Variants in TRPC5 observed in about 807,000 individuals in gnomAD.
TRPC5 encodes the protein short transient receptor potential channel 5.
A neutral mutation model predicts 56.5 loss-of-function variants in TRPC5; 9 were observed. That is an observed-to-expected ratio of 0.16 (90% confidence interval 0.10 to 0.28). The LOEUF (loss-of-function observed/expected upper bound fraction) is 0.28, where lower values mean the gene tolerates loss of function less well. Among genes scored for constraint, TRPC5 ranks in the 10% least tolerant of loss-of-function variants. TRPC5 has a pLI of 1.00. For missense variants in TRPC5, 469 were observed against 748.9 expected, an observed-to-expected ratio of 0.63 and a Z score of 4.36; for synonymous variants, 282 against 278.5, an observed-to-expected ratio of 1.01 and a Z score of -0.13.
chrX:111,918,601 C>T (rs747951781), intron 2 of TRPC5, among the ~76,000 whole-genome samples: 5 of 110,138 alleles, frequency 4.5e-5, no homozygotes, highest in South Asian at 3.9e-4. Context: ...TTTTGCCAGA[C>T]GTGAGAAGAA....
chrX:111,984,087 C>T (rs900141513), intron 1 of TRPC5, among the ~76,000 whole-genome samples: 4 of 111,359 alleles, frequency 3.6e-5, no homozygotes, highest in Non-Finnish European at 5.6e-5. Flanking sequence ...AACTTTCTGT[C>T]CCATGTTCAA....
At chrX:112,040,299 G>A (rs1258940535) in intron 1 of TRPC5, among the ~76,000 whole-genome samples, 1 of 112,220 alleles carries the variant, frequency 8.9e-6, no homozygotes, top group Admixed American at 9.4e-5. Flanking sequence ...TAGTGCAACC[G>A]CTATGCTAAG....
At chrX:111,950,112 C>T (rs958725467) in intron 2 of TRPC5, among the ~76,000 whole-genome samples, 1 of 111,223 alleles carries the variant, frequency 9.0e-6, no homozygotes. Context: ...ATCACGAGGT[C>T]AGGAGATCAA....
chrX:111,829,630 C>T (rs1922350785), intron 7 of TRPC5, among the ~76,000 whole-genome samples: 1 of 112,539 alleles, frequency 8.9e-6, no homozygotes, highest in Non-Finnish European at 1.9e-5. Context: ...TAAAAGGTGC[C>T]CAGGTACAGC....
intron 1 of TRPC5, among the ~76,000 whole-genome samples, chrX:112,008,956 T>C (rs1208119542): frequency 9.0e-6 from 1 of 111,712 alleles, no homozygotes; most frequent in Non-Finnish European, 1.9e-5. Flanking sequence ...ACTGCCACAG[T>C]CAATAACCCT....
At chrX:111,825,994 G>T (rs1922223989) in intron 7 of TRPC5, among the ~76,000 whole-genome samples, 1 of 112,234 alleles carries the variant, frequency 8.9e-6, no homozygotes, top group Admixed American at 9.4e-5. Flanking sequence ...CTTGATACAA[G>T]AAACAGGCAG....
intron 7 of TRPC5, among the ~76,000 whole-genome samples, chrX:111,791,598 G>T (rs1451493350): frequency 8.9e-6 from 1 of 111,988 alleles, no homozygotes; most frequent in Non-Finnish European, 1.9e-5. Flanking sequence ...ACCATCCAAG[G>T]GCTTATGCTA....
In TRPC5 at chrX:111,785,129, C is replaced by A. The variant is rs149263641; in HGVS notation, c.1897-2991G>T. Among the ~76,000 whole-genome samples the A allele has an allele frequency of 9.1e-3, 1,022 of 112,357 alleles. 10 individuals are homozygous for A. Among genetic ancestry groups the A allele is most frequent in the Non-Finnish European group, 0.015 (803 of 53,214 alleles). Reference sequence around the variant, plus strand: ...CTGCCTCCTCAAGTGGGACCCTGACCCTCGTGTAGCCTGAGAGACACCTCA... The same window carrying A: ...CTGCCTCCTCAAGTGGGACCCTGACACTCGTGTAGCCTGAGAGACACCTCA... On this transcript the variant is annotated intron_variant, in intron 7 of 10. Coordinates refer to ENST00000262839, the MANE Select transcript of TRPC5 (RefSeq NM_012471.3).
intron 7 of TRPC5, among the ~76,000 whole-genome samples, chrX:111,800,769 A>G (rs1384632040): frequency 9.0e-6 from 1 of 110,769 alleles, no homozygotes; most frequent in Non-Finnish European, 1.9e-5. Flanking sequence ...AAAAAAATAC[A>G]GTATATAATA....
intron 7 of TRPC5, among the ~76,000 whole-genome samples, chrX:111,820,220 C>T (rs990665146): frequency 2.7e-5 from 3 of 111,850 alleles, no homozygotes; most frequent in South Asian, 7.6e-4. Context: ...AACCTTTTCC[C>T]TATCAATCAG....
chrX:111,904,967 A>G (rs1271479144), intron 3 of TRPC5, among the ~76,000 whole-genome samples: 1 of 101,212 alleles, frequency 9.9e-6, no homozygotes, highest in African/African-American at 3.6e-5. Context: ...TTTGGAGCTG[A>G]TTTTTTTTTT....
chrX:112,019,076 A>G, intron 1 of TRPC5, among the ~76,000 whole-genome samples: 1 of 112,590 alleles, frequency 8.9e-6, no homozygotes, highest in South Asian at 3.7e-4. Flanking sequence ...TAATCATACC[A>G]TCTTAAGGTC....
intron 2 of TRPC5, among the ~76,000 whole-genome samples, chrX:111,921,759 G>A (rs1926134006): frequency 8.9e-6 from 1 of 111,838 alleles, no homozygotes. Flanking sequence ...TTGCAATGAT[G>A]TGGGCTAAGG....
chrX:111,860,681 T>A (rs375023212), intron 3 of TRPC5, among the ~76,000 whole-genome samples: 66 of 112,634 alleles, frequency 5.9e-4, no homozygotes, highest in African/African-American at 1.5e-3. Flanking sequence ...ATAACAACTT[T>A]AATTGTGATT....
At position 112,081,995 on chromosome X, in the gene TRPC5, T is replaced by A. The variant is rs1349471960; in HGVS notation, c.-138A>T. The A allele has an allele frequency of 9.0e-6, 1 of 111,457 alleles. No homozygotes were observed. The highest frequency in any genetic ancestry group is 2.8e-4 in the East Asian group (1 of 3,520). The allele number at this position is 111,457 out of a possible 1,213,427, so 9.2% of individuals were successfully genotyped here. A position where few individuals can be genotyped will look rare whatever the true frequency, so the allele number is the denominator to read the frequency against. On this transcript the variant is annotated 5_prime_UTR_variant, in exon 1 of 11. Transcript: ENST00000262839. ...TTTGCGGCGCGAAACAGCAGCCGAC[T>A]GGGACAGCCCGGGGCCTCTAGGCTG...
rs143842915 is a variant in TRPC5 at position 111,822,576 on chromosome X, G to C, written c.1896+12345C>G. ...GAAACTGTAGTTCCATGATTGGACA[G>C]TCCATGTAGACTCCATGAGAACAAG... is the stretch of plus-strand genomic sequence containing the variant. On this transcript the variant is annotated intron_variant, in intron 7 of 10. Transcript: ENST00000262839. Among the ~76,000 whole-genome samples the C allele has an allele frequency of 1.9e-3, 213 of 111,874 alleles. 1 individual carries two copies. The East Asian group carries it at 0.052, about 27-fold the overall frequency.
intron 1 of TRPC5, among the ~76,000 whole-genome samples, chrX:112,046,340 G>C (rs1046435387): frequency 1.6e-4 from 18 of 109,504 alleles, no homozygotes; most frequent in African/African-American, 5.7e-4. Context: ...GCCAGTGGAA[G>C]GAAAAATTCT....
intron 7 of TRPC5, among the ~76,000 whole-genome samples, chrX:111,794,817 C>T (rs532637188): frequency 1.8e-5 from 2 of 111,513 alleles, no homozygotes; most frequent in East Asian, 5.7e-4. Context: ...CCCTTATAAT[C>T]TTACCATCTC....
chrX:111,804,357 CT>C (rs1921423828), intron 7 of TRPC5, among the ~76,000 whole-genome samples: 1 of 111,757 alleles, frequency 8.9e-6, no homozygotes, highest in South Asian at 3.8e-4. Context: ...TCCATATGAA[CT>C]TTAAAGTAGT....
Sources: allele counts gnomAD v4.1 joint callset (sites outside exome capture counted in the v4.1 genomes callset), GRCh38; gene constraint gnomAD v4.1.1; transcripts MANE v1.5; gene names NCBI Gene and HGNC (gene_info 2026-07-23, HGNC 2026-07-21).